Variants in PDE1C observed in about 807,000 individuals in gnomAD.
PDE1C encodes dual specificity calcium/calmodulin-dependent 3',5'-cyclic nucleotide phosphodiesterase 1C.
PDE1C carries 62 observed loss-of-function variants against 93.1 expected under a neutral mutation model. That is an observed-to-expected ratio of 0.67 (90% CI 0.54 to 0.82). The LOEUF (loss-of-function observed/expected upper bound fraction) is 0.82, where lower values mean the gene tolerates loss of function less well. Among genes scored for constraint, PDE1C ranks in the 40% least tolerant of loss-of-function variants. The pLI is 0.00. For missense variants in PDE1C, 742 were observed against 884.6 expected (o/e 0.84, Z 2.04); for synonymous variants, 325 against 310.1 (o/e 1.05, Z -0.50).
At chr7:32,012,492 G>A (rs1045403584) in intron 2 of PDE1C, among the ~76,000 whole-genome samples, 1 of 152,156 alleles carries the variant, frequency 6.6e-6, no homozygotes, top group African/African-American at 2.4e-5. Context: ...ATTTCAACAT[G>A]AGATTTGGAA....
intron 1 of PDE1C, among the ~76,000 whole-genome samples, chr7:32,387,833 C>T (rs1474975112): frequency 1.7e-5 from 2 of 115,982 alleles, no homozygotes; most frequent in East Asian, 2.2e-4. Context: ...CCCTCCAGGA[C>T]GGGGCGGCTG....
chr7:31,711,373 T>C, the PDE1C span, among the ~76,000 whole-genome samples: 2 of 152,218 alleles, frequency 1.3e-5, no homozygotes, highest in Non-Finnish European at 2.9e-5. Flanking sequence ...CCATTTCATC[T>C]CATTTGATCC....
chr7:31,923,632 C>T (rs1802934338), intron 2 of PDE1C, among the ~76,000 whole-genome samples: 1 of 152,122 alleles, frequency 6.6e-6, no homozygotes, highest in Non-Finnish European at 1.5e-5. Flanking sequence ...TGACAACACA[C>T]TTACAAGAAA....
intron 3 of PDE1C, among the ~76,000 whole-genome samples, chr7:32,114,842 G>T: frequency 6.6e-6 from 1 of 152,144 alleles, no homozygotes; most frequent in East Asian, 1.9e-4. Flanking sequence ...AGACATTTAT[G>T]CAGCCAACAA....
In PDE1C at chr7:32,070,407, T is replaced by C. The variant is rs762193246; in HGVS notation, c.-14A>G. On this transcript the variant is annotated 5_prime_UTR_variant, in exon 1 of 18. Transcript: ENST00000396191. ...TGGCGACTCCATAGCTGCAGGTAGG[T>C]GACCACTGGCGGTGAAGCTGAGATA... 1.2e-6 allele frequency: 2 copies of C among 1,614,042 alleles called. No homozygotes were observed. Among genetic ancestry groups the C allele is most frequent in the Non-Finnish European group, 1.7e-6 (2 of 1,179,956 alleles).
At position 32,374,274 on chromosome 7, in the gene PDE1C, A is replaced by G. The variant is rs1216342134; in HGVS notation, c.310+53548T>C. Among the ~76,000 whole-genome samples the G allele has an allele frequency of 2.6e-3, 391 of 147,750 alleles. 3 individuals are homozygous for G. Among genetic ancestry groups the G allele is most frequent in the African/African-American group, 9.6e-3 (365 of 38,110 alleles). On this transcript the variant is annotated intron_variant, in intron 1 of 1. Transcript: ENST00000672256. ...AGGAAAGGAAGAAAGAAAGAAAGAA[A>G]GAAAGAAAGAAAGAAAGAAAGAAAG...
intron 2 of PDE1C, among the ~76,000 whole-genome samples, chr7:31,944,522 T>C (rs796658549): frequency 3.3e-5 from 5 of 152,306 alleles, no homozygotes; most frequent in African/African-American, 1.2e-4. Context: ...TCTCCACCCT[T>C]CTCTGGCACA....
chr7:32,415,501 G>C (rs1785256467), intron 1 of PDE1C, among the ~76,000 whole-genome samples: 1 of 152,116 alleles, frequency 6.6e-6, no homozygotes, highest in Non-Finnish European at 1.5e-5. Flanking sequence ...AGATGTTTGA[G>C]GAATCTTCTC....
At chr7:32,340,934 A>T (rs117698287) in intron 1 of PDE1C, among the ~76,000 whole-genome samples, 9,103 of 152,228 alleles carry the variant, frequency 0.06, 337 homozygotes, top group Non-Finnish European at 0.082. Flanking sequence ...GATACATGTC[A>T]GTATACATTC....
intron 1 of PDE1C, among the ~76,000 whole-genome samples, chr7:32,409,421 T>A (rs1018220990): frequency 6.6e-6 from 1 of 152,084 alleles, no homozygotes; most frequent in Non-Finnish European, 1.5e-5. Context: ...CAGTGTTATA[T>A]CAATATCAAA....
chr7:31,797,895 A>G (rs1785504989), intron 16 of PDE1C, among the ~76,000 whole-genome samples: 1 of 151,750 alleles, frequency 6.6e-6, no homozygotes, highest in South Asian at 2.1e-4. Flanking sequence ...TGTGTGGCTA[A>G]AAAACAGGCA....
chr7:31,628,811 G>A, the PDE1C span, among the ~76,000 whole-genome samples: 1 of 152,132 alleles, frequency 6.6e-6, no homozygotes, highest in Non-Finnish European at 1.5e-5. Context: ...TACGAAATGT[G>A]AGGAAATGGG....
chr7:31,779,884 C>A (rs12670729), intron 16 of PDE1C, among the ~76,000 whole-genome samples: 86,262 of 151,920 alleles, frequency 0.57, 26,959 homozygotes, highest in Middle Eastern at 0.75. Flanking sequence ...CGCACTTCAC[C>A]CTTCCGTTGC....
At chr7:32,039,480 T>C (rs1025848878) in intron 2 of PDE1C, among the ~76,000 whole-genome samples, 2 of 152,164 alleles carry the variant, frequency 1.3e-5, no homozygotes, top group East Asian at 3.9e-4. Context: ...GAACTGATTG[T>C]AGAAAAGTCA....
At chr7:32,394,863 T>C (rs1784814066) in intron 1 of PDE1C, among the ~76,000 whole-genome samples, 1 of 151,972 alleles carries the variant, frequency 6.6e-6, no homozygotes, top group African/African-American at 2.4e-5. Flanking sequence ...CTCCCTTTTC[T>C]CTCTCTCTCT....
chr7:32,164,465 G>A (rs1254824472), intron 3 of PDE1C, among the ~76,000 whole-genome samples: 1 of 152,156 alleles, frequency 6.6e-6, no homozygotes, highest in African/African-American at 2.4e-5. Context: ...GAAGTCCAAG[G>A]TTATGTGGTG....
chr7:32,245,195 C>T (rs1808835810), intron 1 of PDE1C, among the ~76,000 whole-genome samples: 1 of 152,146 alleles, frequency 6.6e-6, no homozygotes, highest in Non-Finnish European at 1.5e-5. Flanking sequence ...TTCAACTTCT[C>T]ATTGTAACTA....
intron 3 of PDE1C, among the ~76,000 whole-genome samples, chr7:32,166,601 C>T (rs908441355): frequency 5.9e-5 from 9 of 152,176 alleles, no homozygotes; most frequent in Non-Finnish European, 1.0e-4. Flanking sequence ...CCTCAACTAT[C>T]GACACACAAC....
rs559926936 is a variant in PDE1C at position 31,813,221 on chromosome 7, G to T, written c.1813+2703C>A. 2.0e-5 allele frequency among the ~76,000 whole-genome samples: 3 copies of T among 152,184 alleles called. No individual in the cohort carries two copies. In the South Asian group the frequency reaches 6.2e-4, roughly 32 times the overall value. ...CCCTTACATGTTCCTCTTTTGAGAGGAGTGATTATTTATCTGGGAGGTAGG... is the reference window on the plus strand; with the variant it reads ...CCCTTACATGTTCCTCTTTTGAGAGTAGTGATTATTTATCTGGGAGGTAGG... On this transcript the variant is annotated intron_variant, in intron 15 of 17. Coordinates refer to ENST00000396191, the MANE Select transcript of PDE1C (RefSeq NM_001191057.4).
Sources: gnomAD v4.1 joint callset for allele counts (sites outside exome capture counted in the v4.1 genomes callset) on GRCh38, gnomAD v4.1.1 for gene constraint, MANE v1.5 for transcripts, NCBI Gene and HGNC (gene_info 2026-07-23, HGNC 2026-07-21) for gene names.